EDARADD: variants seen among roughly 807,000 people sequenced by gnomAD.
The protein encoded by EDARADD is EDAR associated via death domain.
A neutral mutation model predicts 25.6 loss-of-function variants in EDARADD; 20 were observed. The observed-to-expected ratio is 0.78, with a 90% CI of 0.55 to 1.14. The LOEUF (loss-of-function observed/expected upper bound fraction) is 1.14, where lower values mean the gene tolerates loss of function less well. Ranked by LOEUF, EDARADD falls within the 50% of genes most tolerant of loss-of-function variation. The pLI is 0.00. For missense variants in EDARADD, 225 were observed against 270.1 expected (o/e 0.83, Z 1.17); for synonymous variants, 86 against 94.4 (o/e 0.91, Z 0.52).
intron 4 of EDARADD, among the ~76,000 whole-genome samples, chr1:236,455,602 A>C (rs1357686070): frequency 6.6e-6 from 1 of 152,254 alleles, no homozygotes; most frequent in Non-Finnish European, 1.5e-5. Context: ...TGCCTAGAGC[A>C]CATACTTGGT....
At chr1:236,404,026 G>A (rs1558111642) in intron 1 of EDARADD, among the ~76,000 whole-genome samples, 1 of 152,186 alleles carries the variant, frequency 6.6e-6, no homozygotes, top group Non-Finnish European at 1.5e-5. Context: ...AGCACAGCCT[G>A]GCATAAGATG....
intron 5 of EDARADD, among the ~76,000 whole-genome samples, chr1:236,474,878 G>A (rs646961): frequency 0.66 from 99,858 of 152,122 alleles, 33,112 homozygotes; most frequent in African/African-American, 0.68. Context: ...CACGCCTGTA[G>A]TCCCAGCACT....
intron 3 of EDARADD, among the ~76,000 whole-genome samples, chr1:236,385,434 C>G (rs1667341847): frequency 7.2e-6 from 1 of 138,796 alleles, no homozygotes. Context: ...AAAAAAAATG[C>G]TCTTCCAGGC....
At chr1:236,361,455 G>A (rs571210493) in intron 3 of EDARADD, among the ~76,000 whole-genome samples, 32 of 150,240 alleles carry the variant, frequency 2.1e-4, no homozygotes, top group African/African-American at 7.8e-4. Context: ...TCAGCCTCCC[G>A]AGTAACTGGA....
chr1:236,453,283 T>TC (rs1257963338), intron 4 of EDARADD, among the ~76,000 whole-genome samples: 1 of 149,882 alleles, frequency 6.7e-6, no homozygotes, highest in African/African-American at 2.5e-5. Flanking sequence ...TTTTTCTTTT[T>TC]TTTTTTTTTT....
intron 4 of EDARADD, among the ~76,000 whole-genome samples, chr1:236,432,723 A>G (rs1401807680): frequency 3.9e-5 from 6 of 152,272 alleles, no homozygotes; most frequent in Non-Finnish European, 7.4e-5. Context: ...CGTCCCTACT[A>G]AAAATACAAA....
Position 236,483,724 on chromosome 1 carries a change from A to C in EDARADD, c.*1075A>C. On this transcript the variant is annotated 3_prime_UTR_variant, in exon 6 of 6. Coordinates refer to ENST00000334232, the MANE Select transcript of EDARADD (RefSeq NM_145861.4). ...AGGGAAGCCATGCCCATTGGAGCGG[A>C]GGTTTACCACAGCCTGAAGAATGTC... is the stretch of plus-strand genomic sequence containing the variant. 1 of 1,533,392 alleles carries C rather than the reference A, an allele frequency of 6.5e-7. No homozygotes were observed. The highest frequency in any genetic ancestry group is 1.7e-5 in the Admixed American group (1 of 59,656). 95.0% of individuals were successfully genotyped at this position (1,533,392 alleles called of 1,614,324 possible).
At chr1:236,447,152 T>C (rs867774005) in intron 4 of EDARADD, among the ~76,000 whole-genome samples, 63 of 79,746 alleles carry the variant, frequency 7.9e-4, no homozygotes, top group African/African-American at 2.4e-3. Context: ...CTTCCTTCCT[T>C]CCTCCCTCCC....
intron 1 of EDARADD, among the ~76,000 whole-genome samples, chr1:236,397,060 G>A (rs1457189766): frequency 6.6e-6 from 1 of 151,972 alleles, no homozygotes; most frequent in Admixed American, 6.6e-5. Context: ...CCCCTAAATC[G>A]ACAGTACCAG....
chr1:236,462,488 G>T (rs779337657), intron 4 of EDARADD, among the ~76,000 whole-genome samples: 3 of 151,986 alleles, frequency 2.0e-5, no homozygotes, highest in African/African-American at 4.8e-5. Context: ...CAATCTATCC[G>T]TGTCTCCCGT....
chr1:236,467,424 GCGCACACA>G (rs1182513926), intron 4 of EDARADD, among the ~76,000 whole-genome samples: 22 of 120,798 alleles, frequency 1.8e-4, no homozygotes, highest in African/African-American at 5.6e-4. Context: ...GCACACACAC[GCGCACACA>G]CACACACACA....
chr1:236,405,776 T>A (rs1339472283), intron 1 of EDARADD, among the ~76,000 whole-genome samples: 4 of 56,728 alleles, frequency 7.1e-5, no homozygotes, highest in Admixed American at 3.9e-4. Flanking sequence ...TTTCTTTCTT[T>A]CTTTCTTTCT....
At chr1:236,383,227 T>C (rs1219697728) in intron 3 of EDARADD, among the ~76,000 whole-genome samples, 1 of 151,904 alleles carries the variant, frequency 6.6e-6, no homozygotes, top group Non-Finnish European at 1.5e-5. Context: ...AAACCCTGTC[T>C]CCACTAAAAA....
chr1:236,352,256 G>T (rs1666923344), intron 3 of EDARADD, among the ~76,000 whole-genome samples: 1 of 152,182 alleles, frequency 6.6e-6, no homozygotes, highest in Non-Finnish European at 1.5e-5. Flanking sequence ...TATTGGTTAG[G>T]TTATTATCTC....
intron 3 of EDARADD, among the ~76,000 whole-genome samples, chr1:236,370,805 TC>T (rs1667165316): frequency 6.6e-6 from 1 of 152,210 alleles, no homozygotes; most frequent in Admixed American, 6.5e-5. Context: ...GCTGCATGAC[TC>T]CTAAACCATA....
At chr1:236,402,978 C>A (rs1269190567) in intron 1 of EDARADD, among the ~76,000 whole-genome samples, 1 of 151,830 alleles carries the variant, frequency 6.6e-6, no homozygotes, top group Non-Finnish European at 1.5e-5. Context: ...TTTTTTGAGA[C>A]AGAGTCTTGC....
intron 3 of EDARADD, among the ~76,000 whole-genome samples, chr1:236,416,183 G>A (rs1254403841): frequency 1.3e-5 from 2 of 152,150 alleles, no homozygotes. Context: ...TCAGCACAGC[G>A]GGGAGGACAA....
chr1:236,358,880 A>G (rs535095978), intron 3 of EDARADD, among the ~76,000 whole-genome samples: 2 of 152,162 alleles, frequency 1.3e-5, no homozygotes, highest in African/African-American at 4.8e-5. Context: ...GTAGATATCT[A>G]TCAGGTCCAC....
intron 4 of EDARADD, among the ~76,000 whole-genome samples, chr1:236,439,897 T>C (rs1202693849): frequency 6.6e-6 from 1 of 152,210 alleles, no homozygotes; most frequent in Non-Finnish European, 1.5e-5. Flanking sequence ...GTGCCTTTGG[T>C]ACTATATCTA....
Sources: gnomAD v4.1 joint callset for allele counts (sites outside exome capture counted in the v4.1 genomes callset) on GRCh38, gnomAD v4.1.1 for gene constraint, MANE v1.5 for transcripts, NCBI Gene and HGNC (gene_info 2026-07-23, HGNC 2026-07-21) for gene names.